COQ9: variants seen among roughly 807,000 people sequenced by gnomAD.
The protein encoded by COQ9 is ubiquinone biosynthesis protein COQ9, mitochondrial.
A neutral mutation model predicts 42.4 loss-of-function variants in COQ9; 35 were observed. The ratio of observed to expected loss-of-function variants is 0.83; its 90% CI spans 0.63 to 1.10. The LOEUF (loss-of-function observed/expected upper bound fraction) is 1.10. Ranked by LOEUF, COQ9 falls within the 50% of genes least tolerant of loss-of-function variation. The pLI is 0.00. For missense variants in COQ9, 406 were observed against 414.6 expected (o/e 0.98, Z 0.18); for synonymous variants, 155 against 155.1 (o/e 1.00, Z 0.00).
rs763626877 is a variant in COQ9 at position 57,452,817 on chromosome 16, G to A, written c.259G>A (p.Gly87Ser). Residue 87 changes from glycine to serine, a missense_variant, in exon 3 of 9, where the codon GGC becomes AGC. Transcript: ENST00000262507. Reference sequence around the variant, plus strand: ...TTGTCTCAGGTATACAGACCAGGGCGGCGAGGAGGAGGAGGACTATGAAAG... The same window carrying A: ...TTGTCTCAGGTATACAGACCAGGGCAGCGAGGAGGAGGAGGACTATGAAAG... ...HSPPRYTDQG[G>S]EEEEDYESEE... 1.9e-5 allele frequency: 31 copies of A among 1,613,194 alleles called. No individual in the cohort carries two copies. Among genetic ancestry groups the A allele is most frequent in the South Asian group, 1.9e-4 (17 of 91,036 alleles).
intron 7 of COQ9, 84 bp downstream of exon 7, chr16:57,459,804 G>A: frequency 6.5e-7 from 1 of 1,528,308 alleles, no homozygotes; most frequent in Non-Finnish European, 9.1e-7. Context: ...GCTCCCTTTT[G>A]GCCTCAGCTG....
chr16:57,458,428 C>T (rs1032215366), intron 6 of COQ9, 78 bp downstream of exon 6: 3 of 1,125,140 alleles, frequency 2.7e-6, no homozygotes, highest in Admixed American at 2.0e-5. Flanking sequence ...TGTGAAATTG[C>T]TTTGATCATA....
At chr16:57,452,999 A>G in intron 3 of COQ9, 63 bp downstream of exon 3, 1 of 1,603,400 alleles carries the variant, frequency 6.2e-7, no homozygotes, top group African/African-American at 1.3e-5. Flanking sequence ...CACACCAGGC[A>G]GAGCGGGGGG....
chr16:57,460,897 A>G lies in COQ9; in HGVS notation c.*273A>G. 1 of 459,746 alleles carries G rather than the reference A, an allele frequency of 2.2e-6. No homozygotes were observed. Among genetic ancestry groups the G allele is most frequent in the South Asian group, 2.1e-5 (1 of 47,552 alleles). The allele number at this position is 459,746 out of a possible 1,614,324, so 28.5% of individuals were successfully genotyped here. On this transcript the variant is annotated 3_prime_UTR_variant, in exon 9 of 9. Coordinates refer to ENST00000262507, the MANE Select transcript of COQ9 (RefSeq NM_020312.4). ...TGTGTGATTGAAAAATGAGATGTTC[A>G]TCCAAGCAGTCAAGCCACAGAAACC...
Position 57,460,705 on chromosome 16 carries a change from C to G in COQ9, c.*81C>G, listed in dbSNP as rs2030516753. On this transcript the variant is annotated 3_prime_UTR_variant, in exon 9 of 9. Transcript: ENST00000262507. ...AGCTTTGAAAAGTATAAGGTGCCAT[C>G]CACATAACCTGGTGTTCACGAGAAC... 4.5e-6 allele frequency: 6 copies of G among 1,344,832 alleles called. No homozygotes were observed. Among genetic ancestry groups the G allele is most frequent in the Non-Finnish European group, 6.4e-6 (6 of 939,208 alleles). The allele number at this position is 1,344,832 out of a possible 1,614,324, so 83.3% of individuals were successfully genotyped here.
At chr16:57,456,839 T>A in intron 4 of COQ9, 92 bp from the exon 5 acceptor site, 1 of 1,341,364 alleles carries the variant, frequency 7.5e-7, no homozygotes. Context: ...CAGGAGCTGG[T>A]GGGACCCTCC....
rs1466250846 is a variant in COQ9 at position 57,453,260 on chromosome 16, AAAG to A, written c.378+327_378+329del. ...CATCATTTTTAAATGCATCAGTAAA[AAAG>A]AAAACATACTGCCCTTCGAACTATG... On this transcript the variant is annotated intron_variant, in intron 3 of 8. Coordinates refer to ENST00000262507, the MANE Select transcript of COQ9 (RefSeq NM_020312.4). 11 of 419,848 alleles carry A rather than the reference AAAG, an allele frequency of 2.6e-5. No individual in the cohort carries two copies. In the East Asian group the frequency reaches 5.1e-4, roughly 20 times the overall value. 26.0% of individuals were successfully genotyped at this position (419,848 alleles called of 1,614,324 possible). A position where few individuals can be genotyped will look rare whatever the true frequency, so the allele number is the denominator to read the frequency against.
rs116781045 is a variant in COQ9, at chr16:57,458,060, C to G, written c.607-186C>G. On this transcript the variant is annotated intron_variant, in intron 5 of 8. Coordinates refer to ENST00000262507, the MANE Select transcript of COQ9 (RefSeq NM_020312.4). ...GCTTGCATAAGACGGGGCTATGCCC[C>G]TGGCTCTCCTCAGCTGTAGTCAGCA... The G allele has an allele frequency of 3.0e-3, 1,931 of 637,084 alleles. 33 individuals carry two copies. The highest frequency in any genetic ancestry group is 0.03 in the African/African-American group (1,695 of 55,992). 39.5% of individuals were successfully genotyped at this position (637,084 alleles called of 1,614,324 possible).
rs1211991920 is a variant in COQ9 at position 57,451,056 on chromosome 16, AGCCCTGGT to A, written c.94_101del (p.Leu32AlafsTer15). On this transcript the variant is annotated frameshift_variant, in exon 2 of 9. Coordinates refer to ENST00000262507, the MANE Select transcript of COQ9 (RefSeq NM_020312.4). LOFTEE classifies it high-confidence loss of function. ...CTGTTTCAGTGGCCCGTTGCCGACAAGCCCTGGTGCCGCGTGCCTTCCATGCTTCAGCT... is the reference window on the plus strand; with the variant it reads ...CTGTTTCAGTGGCCCGTTGCCGACAAGCCGCGTGCCTTCCATGCTTCAGCT... 6.2e-7 allele frequency: 1 copy of A among 1,614,092 alleles called. No individual in the cohort carries two copies. Among genetic ancestry groups the A allele is most frequent in the Admixed American group, 1.7e-5 (1 of 60,012 alleles).
chr16:57,451,767 A>G (rs1223641363), intron 2 of COQ9, among the ~76,000 whole-genome samples: 2 of 152,242 alleles, frequency 1.3e-5, no homozygotes, highest in Non-Finnish European at 2.9e-5. Context: ...TAATAGTTGT[A>G]TAACATTCCA....
rs2030150275 is a variant in COQ9, at chr16:57,447,530, G to C, written c.25G>C (p.Ala9Pro). The stretch of plus-strand genomic sequence containing the variant: ...AATGGCGGCGGCGGCGGTATCTGGT[G>C]CGCTTGGCCGGGCGGGCTGGAGGCT... MAAAAVSG[A>P]LGRAGWRLLQ... The change falls in exon 1 of 9, where the codon GCG (alanine) becomes CCG (proline). Residue 9 changes from alanine to proline, a missense_variant. Coordinates refer to ENST00000262507, the MANE Select transcript of COQ9 (RefSeq NM_020312.4). 7.6e-6 allele frequency: 10 copies of C among 1,311,610 alleles called. No individual in the cohort carries two copies. Among genetic ancestry groups the C allele is most frequent in the Middle Eastern group, 2.3e-4 (1 of 4,404 alleles). The allele number at this position is 1,311,610 out of a possible 1,614,324, so 81.2% of individuals were successfully genotyped here.
intron 1 of COQ9, 89 bp from the exon 2 acceptor site, chr16:57,450,951 G>GCTTTTCCTCCTC: frequency 7.0e-7 from 1 of 1,436,464 alleles, no homozygotes; most frequent in South Asian, 1.2e-5. Context: ...TCTCTGGCCT[G>GCTTTTCCTCCTC]CTTTTCCTCC....
At position 57,459,552 on chromosome 16, in the gene COQ9, G is replaced by C. The variant is rs1415283205; in HGVS notation, c.712-13G>C. Reference sequence around the variant, plus strand: ...TGCACCAGCCCACAGCGGTAGTGTGGGTTTCTTTACAGTTTAACTGGTACA... The same window carrying C: ...TGCACCAGCCCACAGCGGTAGTGTGCGTTTCTTTACAGTTTAACTGGTACA... On this transcript the variant is annotated splice_polypyrimidine_tract_variant and intron_variant, in intron 6 of 8. Transcript: ENST00000262507. The C allele has an allele frequency of 6.2e-7, 1 of 1,614,064 alleles. No homozygotes were observed.
intron 5 of COQ9, 120 bp from the exon 6 acceptor site, chr16:57,458,126 T>A: frequency 1.3e-6 from 1 of 754,474 alleles, no homozygotes; most frequent in Non-Finnish European, 2.3e-6. Flanking sequence ...GTGAAGATGC[T>A]GGTCTCAGAG....
rs1454641611 is a variant in COQ9 at position 57,458,260 on chromosome 16, C to T, written c.621C>T (p.Leu207=). Residue 207 remains leucine, a synonymous_variant, in exon 6 of 9, where the codon CTC becomes CTT. Transcript: ENST00000262507. ...IEHWPRALSI[L]MLPHNIPSSL... is the part of the protein sequence containing the mutation. Reference sequence around the variant, plus strand: ...TCTCTCTCCAGGCCCTCAGCATCCTCATGCTCCCTCACAACATCCCGTCCA... The same window carrying T: ...TCTCTCTCCAGGCCCTCAGCATCCTTATGCTCCCTCACAACATCCCGTCCA... The T allele has an allele frequency of 6.2e-7, 1 of 1,610,956 alleles. No individual in the cohort carries two copies. Among genetic ancestry groups the T allele is most frequent in the Non-Finnish European group, 8.5e-7 (1 of 1,178,660 alleles).
At chr16:57,458,846 G>A (rs2030463892) in intron 6 of COQ9, among the ~76,000 whole-genome samples, 1 of 152,130 alleles carries the variant, frequency 6.6e-6, no homozygotes, top group Admixed American at 6.6e-5. Context: ...TTTCTGGTAG[G>A]AAATTTTAAA....
chr16:57,452,288 T>G (rs1428104966), intron 2 of COQ9, among the ~76,000 whole-genome samples: 2 of 152,198 alleles, frequency 1.3e-5, no homozygotes, highest in Non-Finnish European at 2.9e-5. Context: ...ATTTGCTGGA[T>G]TCCTCTCCGT....
At chr16:57,449,417 T>C (rs964634086) in intron 1 of COQ9, among the ~76,000 whole-genome samples, 2 of 152,174 alleles carry the variant, frequency 1.3e-5, no homozygotes, top group Non-Finnish European at 2.9e-5. Context: ...AGGAGCCTGG[T>C]TAGAGCCTGA....
chr16:57,451,291 C>A, intron 2 of COQ9, 83 bp downstream of exon 2: 1 of 1,419,836 alleles, frequency 7.0e-7, no homozygotes, highest in Non-Finnish European at 1.0e-6. Context: ...TCCTCTCCAT[C>A]CCCTTTTGTA....
Sources: allele counts gnomAD v4.1 joint callset (sites outside exome capture counted in the v4.1 genomes callset), GRCh38; gene constraint gnomAD v4.1.1; transcripts MANE v1.5; gene names NCBI Gene and HGNC (gene_info 2026-07-23, HGNC 2026-07-21).